Variants in CABLES1 observed in about 807,000 individuals in gnomAD.
CABLES1 encodes Cdk5 and Abl enzyme substrate 1.
Under a neutral mutation model 57.8 loss-of-function variants are expected in CABLES1, and 36 were observed. The observed-to-expected ratio is 0.62, with a 90% confidence interval of 0.48 to 0.82. The LOEUF (loss-of-function observed/expected upper bound fraction) is 0.82. CABLES1 is among the 40% of genes least tolerant of loss of function. The probability of loss-of-function intolerance (pLI) is 0.00; values close to 1 mark genes in which losing one functional copy is unlikely to be tolerated. For synonymous variants in CABLES1, 374 were observed against 363.0 expected, an observed-to-expected ratio of 1.03 and a Z score of -0.35; for missense variants, 767 against 836.6, an observed-to-expected ratio of 0.92 and a Z score of 1.03.
rs2046813181 is a variant in CABLES1, at chr18:23,135,710, G to C, written c.-53G>C. 2.0e-6 allele frequency: 2 copies of C among 984,622 alleles called. No homozygotes were observed. The highest frequency in any genetic ancestry group is 2.4e-6 in the Non-Finnish European group (2 of 830,878). 61.0% of individuals were successfully genotyped at this position (984,622 alleles called of 1,614,324 possible). ...CGCTCGCGCCCGCCGCTTAGCGCTC[G>C]GGCGCCGCTCGCTTCTCCGGGCATC... On this transcript the variant is annotated 5_prime_UTR_variant, in exon 1 of 10. Transcript: ENST00000256925.
At chr18:23,247,394 G>A (rs2145118072) in intron 7 of CABLES1, among the ~76,000 whole-genome samples, 1 of 152,348 alleles carries the variant, frequency 6.6e-6, no homozygotes, top group Middle Eastern at 3.4e-3. Context: ...TCTGAACAGT[G>A]TGGGGCTGGT....
chr18:23,152,501 T>TA (rs1190497175), intron 1 of CABLES1, among the ~76,000 whole-genome samples: 1 of 151,540 alleles, frequency 6.6e-6, no homozygotes, highest in African/African-American at 2.4e-5. Context: ...TTTTTTTTTT[T>TA]TTTGAGACGG....
At chr18:23,203,226 G>A (rs981807146) in intron 3 of CABLES1, among the ~76,000 whole-genome samples, 1 of 152,104 alleles carries the variant, frequency 6.6e-6, no homozygotes, top group Non-Finnish European at 1.5e-5. Context: ...TTGAATGTTG[G>A]CATGGCATGC....
intron 3 of CABLES1, among the ~76,000 whole-genome samples, chr18:23,196,110 A>G (rs934677408): frequency 2.0e-5 from 3 of 152,144 alleles, no homozygotes; most frequent in African/African-American, 7.2e-5. Context: ...GATTAATGAG[A>G]TTTCCAAAGA....
At chr18:23,235,135 T>C (rs766316881) in intron 5 of CABLES1, among the ~76,000 whole-genome samples, 3 of 152,196 alleles carry the variant, frequency 2.0e-5, no homozygotes, top group Non-Finnish European at 2.9e-5. Flanking sequence ...GGCGGTCACA[T>C]TCCTCTTCCA....
At chr18:23,149,552 G>A (rs953699390) in intron 1 of CABLES1, among the ~76,000 whole-genome samples, 2 of 152,202 alleles carry the variant, frequency 1.3e-5, no homozygotes, top group African/African-American at 4.8e-5. Flanking sequence ...AAGGTGCTGG[G>A]ATTATAGGAG....
At chr18:23,222,081 T>G (rs1480579245) in intron 4 of CABLES1, among the ~76,000 whole-genome samples, 2 of 152,186 alleles carry the variant, frequency 1.3e-5, no homozygotes, top group African/African-American at 4.8e-5. Flanking sequence ...CAGGCCTAAC[T>G]TAAAACCTCC....
chr18:23,180,846 G>A (rs2047160296), intron 1 of CABLES1, among the ~76,000 whole-genome samples: 1 of 152,058 alleles, frequency 6.6e-6, no homozygotes, highest in South Asian at 2.1e-4. Flanking sequence ...TGTGGTGGGG[G>A]GATGGAGGGA....
At chr18:23,191,906 T>TAAAAAAA (rs147984743) in intron 2 of CABLES1, among the ~76,000 whole-genome samples, 1 of 82,612 alleles carries the variant, frequency 1.2e-5, no homozygotes, top group African/African-American at 4.8e-5. Context: ...GTTGAATGCT[T>TAAAAAAA]AAAAAAAAAA....
chr18:23,147,151 C>T (rs1213990743), intron 1 of CABLES1, among the ~76,000 whole-genome samples: 3 of 152,220 alleles, frequency 2.0e-5, no homozygotes, highest in Non-Finnish European at 4.4e-5. Context: ...CAACAGCTCT[C>T]TCCAGATAAT....
intron 2 of CABLES1, among the ~76,000 whole-genome samples, chr18:23,191,165 C>T (rs115240113): frequency 5.5e-4 from 84 of 151,846 alleles, no homozygotes; most frequent in Non-Finnish European, 7.6e-4. Flanking sequence ...GCGACAGGAT[C>T]GCTTGAACCC....
At chr18:23,248,253 C>T (rs1018503389) in intron 7 of CABLES1, among the ~76,000 whole-genome samples, 1 of 152,214 alleles carries the variant, frequency 6.6e-6, no homozygotes, top group Admixed American at 6.5e-5. Context: ...TTATGGGGAT[C>T]AGAAGCTCTT....
intron 7 of CABLES1, among the ~76,000 whole-genome samples, chr18:23,242,451 TCTGCAC>T (rs1329264136): frequency 1.3e-5 from 2 of 152,200 alleles, no homozygotes; most frequent in African/African-American, 4.8e-5. Context: ...CTTCCAGCTC[TCTGCAC>T]CTCTTGGCAT....
intron 1 of CABLES1, among the ~76,000 whole-genome samples, chr18:23,140,926 C>T (rs2046854224): frequency 6.6e-6 from 1 of 152,158 alleles, no homozygotes; most frequent in African/African-American, 2.4e-5. Context: ...AGAACCTTGG[C>T]TTGTGTCTCA....
chr18:23,237,362 C>T, intron 7 of CABLES1, 117 bp downstream of exon 7: 1 of 753,896 alleles, frequency 1.3e-6, no homozygotes, highest in Non-Finnish European at 2.4e-6. Flanking sequence ...TCATGAGGAG[C>T]TCCCCGGTGT....
At chr18:23,237,079 G>C (rs189053654) in intron 6 of CABLES1, 63 bp from the exon 7 acceptor site, 5 of 967,060 alleles carry the variant, frequency 5.2e-6, no homozygotes, top group Non-Finnish European at 8.5e-6. Context: ...TCTCCTGGCT[G>C]TCTCTGCTGG....
At chr18:23,165,151 T>C (rs1292811349) in intron 1 of CABLES1, among the ~76,000 whole-genome samples, 2 of 152,304 alleles carry the variant, frequency 1.3e-5, no homozygotes, top group East Asian at 3.9e-4. Flanking sequence ...TAGAGTGCAG[T>C]GGTGCGTGAT....
chr18:23,209,206 T>C (rs911252842), intron 3 of CABLES1, among the ~76,000 whole-genome samples: 6 of 152,190 alleles, frequency 3.9e-5, no homozygotes, highest in Admixed American at 2.0e-4. Context: ...CAGCCCTTGG[T>C]CCAGCATATC....
intron 1 of CABLES1, among the ~76,000 whole-genome samples, chr18:23,157,033 A>G (rs1411587622): frequency 1.3e-5 from 2 of 152,066 alleles, no homozygotes; most frequent in Non-Finnish European, 2.9e-5. Context: ...CTTTGTACAC[A>G]CTCATGTCAG....
Sources: gnomAD v4.1 joint callset for allele counts (sites outside exome capture counted in the v4.1 genomes callset) on GRCh38, gnomAD v4.1.1 for gene constraint, MANE v1.5 for transcripts, NCBI Gene and HGNC (gene_info 2026-07-23, HGNC 2026-07-21) for gene names.